Variants in TMEM225B observed in about 807,000 individuals in gnomAD.
TMEM225B encodes the protein transmembrane protein 225-like.
In TMEM225B, 10 loss-of-function variants were observed where a neutral mutation model predicts 16.9. The ratio of observed to expected loss-of-function variants is 0.59; its 90% CI spans 0.36 to 1.00. TMEM225B has a LOEUF of 1.00. Ranked by LOEUF, TMEM225B falls within the 50% of genes least tolerant of loss-of-function variation. The pLI, the probability that TMEM225B is intolerant of heterozygous loss-of-function variation, is 0.01. For missense variants in TMEM225B, 217 were observed against 267.0 expected, an observed-to-expected ratio of 0.81 and a Z score of 1.30; for synonymous variants, 92 against 109.8, an observed-to-expected ratio of 0.84 and a Z score of 1.01.
At chr7:99,610,369 A>G in intron 5 of TMEM225B, 24 bp from the exon 6 acceptor site, 1 of 1,532,514 alleles carries the variant, frequency 6.5e-7, no homozygotes, top group Non-Finnish European at 8.7e-7. Flanking sequence ...CTCTGACCTG[A>G]CCCAAACGTT....
At chr7:99,608,442 G>T (rs1806004567) in intron 5 of TMEM225B, among the ~76,000 whole-genome samples, 1 of 151,620 alleles carries the variant, frequency 6.6e-6, no homozygotes, top group Non-Finnish European at 1.5e-5. Flanking sequence ...CCCATCCTTG[G>T]CCTTCCTGTT....
In TMEM225B at chr7:99,610,541, G is replaced by T. The variant is rs1562957859; in HGVS notation, c.642G>T (p.Gln214His). The T allele has an allele frequency of 6.5e-7, 1 of 1,535,988 alleles. No homozygotes were observed. Among genetic ancestry groups the T allele is most frequent in the Non-Finnish European group, 8.7e-7 (1 of 1,146,914 alleles). Residue 214 changes from glutamine (Q) to histidine (H), a missense_variant, in exon 6 of 6, where the codon CAG (glutamine) becomes CAT (histidine). Coordinates refer to ENST00000431679, the MANE Select transcript of TMEM225B (RefSeq NM_001195541.3). ...CGAGCTCAGTACAAAAGGAGACACA[G>T]GTGACAGCAGAAACAGTCATCTAGC... is the stretch of plus-strand genomic sequence containing the variant. ...GEPSSVQKET[Q>H]VTAETVI
chr7:99,608,720 T>A (rs528832560), intron 5 of TMEM225B, among the ~76,000 whole-genome samples: 1,882 of 115,842 alleles, frequency 0.016, 33 homozygotes, highest in African/African-American at 0.064. Flanking sequence ...AAAAAAAATA[T>A]ATATATATAT....
Position 99,607,816 on chromosome 7 carries a change from T to A in TMEM225B, c.493+6T>A, listed in dbSNP as rs575758941. 322 of 1,535,604 alleles carry A rather than the reference T, an allele frequency of 2.1e-4. 2 individuals are homozygous for A. The East Asian group carries it at 7.7e-3, about 37-fold the overall frequency. ...CTTTCTGTTCATAGTGGCTGGTGAG[T>A]GTCCAGGGAACAGTGCCCTGCTTCT... On this transcript the variant is annotated splice_donor_region_variant and intron_variant, in intron 5 of 5. Transcript: ENST00000431679.
At chr7:99,608,055 G>A (rs535120282) in intron 5 of TMEM225B, among the ~76,000 whole-genome samples, 9 of 152,214 alleles carry the variant, frequency 5.9e-5, no homozygotes, top group African/African-American at 2.2e-4. Flanking sequence ...AGGAGTTTGA[G>A]ACCAGCCTGG....
At chr7:99,600,343 C>T (rs1805254034) in intron 2 of TMEM225B, 58 bp downstream of exon 2, 2 of 701,520 alleles carry the variant, frequency 2.9e-6, no homozygotes, top group South Asian at 3.0e-5. Flanking sequence ...GTGGAGTGGA[C>T]AGCACCAAGC....
At chr7:99,605,322 A>G (rs1239859427) in intron 3 of TMEM225B, 1 of 151,976 alleles carries the variant, frequency 6.6e-6, no homozygotes, top group African/African-American at 2.4e-5. Context: ...GCTGAAGTGC[A>G]GTGGCGTGAT....
At position 99,610,532 on chromosome 7, in the gene TMEM225B, G is replaced by C. The variant is rs899106292; in HGVS notation, c.633G>C (p.Lys211Asn). Residue 211 changes from lysine (K) to asparagine (N), a missense_variant, in exon 6 of 6, where the codon AAG becomes AAC. Coordinates refer to ENST00000431679, the MANE Select transcript of TMEM225B (RefSeq NM_001195541.3). ...SLGGEPSSVQ[K>N]ETQVTAETVI is the part of the protein sequence containing the mutation. ...GAGGAGAACCGAGCTCAGTACAAAA[G>C]GAGACACAGGTGACAGCAGAAACAG... is the stretch of plus-strand genomic sequence containing the variant. The C allele has an allele frequency of 5.3e-5, 82 of 1,535,992 alleles. No individual in the cohort carries two copies. The highest frequency in any genetic ancestry group is 1.6e-4 in the Admixed American group (8 of 50,978).
chr7:99,602,718 T>G (rs766329871), intron 2 of TMEM225B, among the ~76,000 whole-genome samples: 92 of 152,108 alleles, frequency 6.0e-4, no homozygotes, highest in Non-Finnish European at 8.1e-4. Flanking sequence ...TTTTGAAAAT[T>G]TTTATTCTTT....
At chr7:99,606,537 T>C (rs956161188) in intron 3 of TMEM225B, among the ~76,000 whole-genome samples, 27 of 152,300 alleles carry the variant, frequency 1.8e-4, no homozygotes, top group Middle Eastern at 3.4e-3. Flanking sequence ...TAATTTTTTT[T>C]CCTATATTTC....
rs80201240 is a variant in TMEM225B, at chr7:99,605,263, T to C, written c.208+667T>C. Among the ~76,000 whole-genome samples, 474 of 152,204 alleles carry C rather than the reference T, an allele frequency of 3.1e-3. 3 individuals are homozygous for C. Among genetic ancestry groups the C allele is most frequent in the African/African-American group, 0.011 (454 of 41,522 alleles). ...GCTAATTTTGGTCTATTTCACTACT[T>C]CTGTTATTGTTGTTGCTTTTACAGA... is the stretch of plus-strand genomic sequence containing the variant. On this transcript the variant is annotated intron_variant, in intron 3 of 5. Coordinates refer to ENST00000431679, the MANE Select transcript of TMEM225B (RefSeq NM_001195541.3).
chr7:99,600,856 G>T (rs1024162367), intron 2 of TMEM225B, among the ~76,000 whole-genome samples: 1 of 152,100 alleles, frequency 6.6e-6, no homozygotes, highest in Non-Finnish European at 1.5e-5. Flanking sequence ...CGTGGCAGGC[G>T]TGGGGACAGG....
intron 2 of TMEM225B, among the ~76,000 whole-genome samples, chr7:99,602,228 G>A (rs1050364175): frequency 1.3e-5 from 2 of 152,200 alleles, no homozygotes; most frequent in Admixed American, 6.5e-5. Flanking sequence ...TCCAATCACC[G>A]TCCCTGCTTC....
intron 5 of TMEM225B, among the ~76,000 whole-genome samples, chr7:99,609,573 C>A (rs1806162322): frequency 6.6e-6 from 1 of 151,678 alleles, no homozygotes; most frequent in Admixed American, 6.6e-5. Flanking sequence ...GTAGCTGGGA[C>A]TACAGGCATG....
rs1024294874 is a variant in TMEM225B at position 99,606,813 on chromosome 7, A to C, written c.274A>C (p.Ile92Leu). 3.8e-5 allele frequency: 59 copies of C among 1,535,858 alleles called. No homozygotes were observed. The highest frequency in any genetic ancestry group is 4.8e-5 in the Non-Finnish European group (55 of 1,146,880). ...TTTCTTGGCTTTCGTCACCACCTTC[A>C]TCATGATGCCCTTTGCATCCGAGTT... is the stretch of plus-strand genomic sequence containing the variant. The part of the protein sequence containing the change: ...AVFLAFVTTF[I>L]MMPFASEFFP... Residue 92 changes from isoleucine to leucine, a missense_variant, in exon 4 of 6, where the codon ATC (isoleucine) becomes CTC (leucine). By Grantham distance (5) the Ile-to-Leu change is conservative. Coordinates refer to ENST00000431679, the MANE Select transcript of TMEM225B (RefSeq NM_001195541.3).
chr7:99,609,871 G>A (rs187418351), intron 5 of TMEM225B, among the ~76,000 whole-genome samples: 3 of 152,026 alleles, frequency 2.0e-5, no homozygotes, highest in African/African-American at 7.2e-5. Flanking sequence ...AGTCAGTGGG[G>A]CTTCAGGCTC....
At chr7:99,607,046 G>A (rs1054620267) in intron 4 of TMEM225B, among the ~76,000 whole-genome samples, 152 bp downstream of exon 4, 2 of 152,072 alleles carry the variant, frequency 1.3e-5, no homozygotes, top group African/African-American at 2.4e-5. Context: ...GGAGTGCAGT[G>A]GTGCTATCAT....
intron 1 of TMEM225B, among the ~76,000 whole-genome samples, chr7:99,599,985 C>T (rs916888573): frequency 6.6e-6 from 1 of 152,202 alleles, no homozygotes; most frequent in Non-Finnish European, 1.5e-5. Flanking sequence ...GAAGATGTAA[C>T]CTTGTCCAGT....
intron 3 of TMEM225B, 149 bp from the exon 4 acceptor site, chr7:99,606,599 G>C (rs138008815): frequency 0.012 from 7,337 of 605,942 alleles, 60 homozygotes; most frequent in Non-Finnish European, 0.016. Flanking sequence ...GGGCCAAAGT[G>C]GCATGGTCAC....
Sources: allele counts gnomAD v4.1 joint callset (sites outside exome capture counted in the v4.1 genomes callset), GRCh38; gene constraint gnomAD v4.1.1; transcripts MANE v1.5; gene names NCBI Gene and HGNC (gene_info 2026-07-23, HGNC 2026-07-21).